Variants in CDK14 observed in about 807,000 individuals in gnomAD.
The protein encoded by CDK14 is cyclin dependent kinase 14.
Under a neutral mutation model 60.7 loss-of-function variants are expected in CDK14, and 34 were observed. The ratio of observed to expected loss-of-function variants is 0.56; its 90% CI spans 0.43 to 0.75. The LOEUF is 0.75. Among genes scored for constraint, CDK14 ranks in the 30% least tolerant of loss-of-function variants. The pLI is 0.00. For synonymous variants in CDK14, 197 were observed against 203.7 expected (o/e 0.97, Z 0.28); for missense variants, 482 against 564.1 (o/e 0.85, Z 1.47).
rs1162818995 is a variant in CDK14, at chr7:90,790,663, T to C, written c.544+11T>C. 1 of 1,594,506 alleles carries C rather than the reference T, an allele frequency of 6.3e-7. No individual in the cohort carries two copies. The highest frequency in any genetic ancestry group is 8.6e-7 in the Non-Finnish European group (1 of 1,163,774). On this transcript the variant is annotated intron_variant, in intron 5 of 14. Coordinates refer to ENST00000380050, the MANE Select transcript of CDK14 (RefSeq NM_001287135.2). ...CAGCTATCAGGGAAGGTAGGCACTT[T>C]TCCTTGTTGATATTGCTTTTGTGTT...
chr7:90,646,508 C>T (rs1259342156), intron 2 of CDK14, among the ~76,000 whole-genome samples: 2 of 152,080 alleles, frequency 1.3e-5, no homozygotes, highest in Non-Finnish European at 2.9e-5. Context: ...AAAAATATAA[C>T]ATATGCATAT....
chr7:91,062,141 A>G (rs1333817903), intron 11 of CDK14, among the ~76,000 whole-genome samples: 2 of 152,152 alleles, frequency 1.3e-5, no homozygotes, highest in East Asian at 3.9e-4. Context: ...TTGCTGTTTG[A>G]TTTCAGACTG....
intron 10 of CDK14, among the ~76,000 whole-genome samples, chr7:91,042,238 A>G (rs1797112489): frequency 6.6e-6 from 1 of 152,156 alleles, no homozygotes; most frequent in Non-Finnish European, 1.5e-5. Context: ...GTGTTCTGAT[A>G]TAAGCCTCTC....
intron 10 of CDK14, among the ~76,000 whole-genome samples, chr7:91,008,158 A>AAAAAAAAAAG (rs1796045745): frequency 6.6e-6 from 1 of 150,664 alleles, no homozygotes; most frequent in Admixed American, 6.7e-5. Flanking sequence ...AACAAAAAAA[A>AAAAAAAAAAG]ACAGTGGATG....
chr7:90,769,503 G>A (rs1398229955), intron 4 of CDK14, among the ~76,000 whole-genome samples: 1 of 138,280 alleles, frequency 7.2e-6, no homozygotes, highest in East Asian at 2.1e-4. Context: ...CCCTCATTCT[G>A]TCACGCAGGC....
intron 9 of CDK14, among the ~76,000 whole-genome samples, chr7:90,962,797 C>A (rs1315840555): frequency 1.3e-5 from 2 of 152,024 alleles, no homozygotes; most frequent in African/African-American, 2.4e-5. Flanking sequence ...ATTATTATAA[C>A]CCTTGGTGCA....
At chr7:90,817,922 C>A (rs1789408992) in intron 5 of CDK14, among the ~76,000 whole-genome samples, 1 of 152,110 alleles carries the variant, frequency 6.6e-6, no homozygotes, top group South Asian at 2.1e-4. Flanking sequence ...CAATCTCCCA[C>A]CATCTACCCT....
intron 4 of CDK14, among the ~76,000 whole-genome samples, chr7:90,764,721 T>C (rs565062861): frequency 6.6e-6 from 1 of 152,364 alleles, no homozygotes; most frequent in East Asian, 1.9e-4. Flanking sequence ...CTTCTAGAGT[T>C]CTGAGGAAAC....
intron 10 of CDK14, among the ~76,000 whole-genome samples, chr7:91,020,089 A>G (rs553808606): frequency 7.9e-5 from 12 of 152,190 alleles, no homozygotes; most frequent in Non-Finnish European, 1.5e-4. Context: ...TGGTAGAAAG[A>G]TAAGAAGGGC....
chr7:90,921,815 G>T (rs1424949740), intron 8 of CDK14, among the ~76,000 whole-genome samples: 3 of 152,112 alleles, frequency 2.0e-5, no homozygotes, highest in African/African-American at 7.2e-5. Flanking sequence ...CCCATCAGAG[G>T]TCTAAAATTT....
intron 8 of CDK14, among the ~76,000 whole-genome samples, chr7:90,939,448 A>C (rs960479788): frequency 2.0e-5 from 3 of 152,210 alleles, no homozygotes; most frequent in Non-Finnish European, 4.4e-5. Context: ...GCATGTGTAA[A>C]GTTTACTGAC....
intron 10 of CDK14, among the ~76,000 whole-genome samples, chr7:91,030,866 C>G (rs555875090): frequency 3.9e-5 from 6 of 152,342 alleles, no homozygotes; most frequent in Admixed American, 3.3e-4. Flanking sequence ...CCAGCCTGTT[C>G]CCTCCCTTGG....
chr7:90,798,098 A>C (rs1300572779), intron 5 of CDK14, among the ~76,000 whole-genome samples: 1 of 151,990 alleles, frequency 6.6e-6, no homozygotes, highest in Non-Finnish European at 1.5e-5. Flanking sequence ...TGATAGAAAA[A>C]TAGTTGGGGC....
chr7:91,175,752 G>A (rs1399368856), intron 14 of CDK14, among the ~76,000 whole-genome samples: 5 of 148,518 alleles, frequency 3.4e-5, no homozygotes, highest in Admixed American at 6.7e-5. Flanking sequence ...TCAACAAGAA[G>A]AGCTAACTAT....
chr7:90,616,880 A>G (rs909969355), intron 2 of CDK14, among the ~76,000 whole-genome samples: 3 of 152,012 alleles, frequency 2.0e-5, no homozygotes, highest in African/African-American at 7.3e-5. Flanking sequence ...CATCATATAT[A>G]TATATGTGTG....
intron 12 of CDK14, among the ~76,000 whole-genome samples, chr7:91,100,075 A>T (rs934503640): frequency 6.6e-6 from 1 of 152,138 alleles, no homozygotes; most frequent in African/African-American, 2.4e-5. Flanking sequence ...AAAATCATAT[A>T]ATCGCTGGTT....
chr7:90,650,554 T>A (rs1800611341), intron 2 of CDK14, among the ~76,000 whole-genome samples: 1 of 152,244 alleles, frequency 6.6e-6, no homozygotes, highest in South Asian at 2.1e-4. Context: ...CTGAATGGTA[T>A]TGCCTAGGTT....
intron 2 of CDK14, among the ~76,000 whole-genome samples, chr7:90,633,879 G>T (rs564070355): frequency 1.4e-3 from 209 of 152,218 alleles, no homozygotes; most frequent in African/African-American, 4.8e-3. Context: ...TCTGTTGTAG[G>T]TACTGTAAAC....
chr7:90,769,287 A>T (rs1038620025), intron 4 of CDK14, among the ~76,000 whole-genome samples: 3 of 152,146 alleles, frequency 2.0e-5, no homozygotes, highest in African/African-American at 7.2e-5. Context: ...AAAACTGAGC[A>T]CATATCTAAC....
Sources: gnomAD v4.1 joint callset for allele counts (sites outside exome capture counted in the v4.1 genomes callset) on GRCh38, gnomAD v4.1.1 for gene constraint, MANE v1.5 for transcripts, NCBI Gene and HGNC (gene_info 2026-07-23, HGNC 2026-07-21) for gene names.